Variants in EIF5B observed in about 807,000 individuals in gnomAD.
The protein encoded by EIF5B is eIF-5B.
Under a neutral mutation model 147.5 loss-of-function variants are expected in EIF5B, and 47 were observed. The ratio of observed to expected loss-of-function variants is 0.32; its 90% CI spans 0.25 to 0.41. The LOEUF (loss-of-function observed/expected upper bound fraction) is 0.41, where lower values mean the gene tolerates loss of function less well. Ranked by LOEUF, EIF5B falls within the 10% of genes least tolerant of loss-of-function variation. The pLI is 1.00. For missense variants in EIF5B, 1,064 were observed against 1,413.2 expected, an observed-to-expected ratio of 0.75 and a Z score of 3.96; for synonymous variants, 455 against 456.2, an observed-to-expected ratio of 1.00 and a Z score of 0.03.
rs752821971 is a variant in EIF5B, at chr2:99,390,417, T to C, written c.2586+16T>C. The stretch of plus-strand genomic sequence containing the variant: ...GGTGATGGAGGTAATGATCAACTTT[T>C]CAGTTTATTGTTTTTTTTTTTTTTA... On this transcript the variant is annotated intron_variant, in intron 16 of 23. Coordinates refer to ENST00000289371, the MANE Select transcript of EIF5B (RefSeq NM_015904.4). 17 of 1,569,572 alleles carry C rather than the reference T, an allele frequency of 1.1e-5. No individual in the cohort carries two copies. Among genetic ancestry groups the C allele is most frequent in the Non-Finnish European group, 1.5e-5 (17 of 1,167,948 alleles).
intron 7 of EIF5B, 36 bp downstream of exon 7, chr2:99,368,627 T>C (rs1328413617): frequency 4.0e-6 from 6 of 1,503,720 alleles, no homozygotes; most frequent in South Asian, 2.3e-5. Context: ...TTAGGAAATA[T>C]GTTGTTTGCC....
intron 1 of EIF5B, among the ~76,000 whole-genome samples, chr2:99,342,268 A>G (rs939820725): frequency 1.3e-5 from 2 of 152,034 alleles, no homozygotes; most frequent in Admixed American, 6.6e-5. Context: ...GCCAAGGTAA[A>G]TATCAGTTGA....
intron 13 of EIF5B, 134 bp from the exon 14 acceptor site, chr2:99,382,646 A>T: frequency 1.2e-6 from 1 of 862,628 alleles, no homozygotes; most frequent in Non-Finnish European, 1.6e-6. Context: ...TTGGCAAGTT[A>T]AGGGCTAATA....
chr2:99,349,136 C>T (rs972612839), intron 1 of EIF5B, among the ~76,000 whole-genome samples: 1 of 152,220 alleles, frequency 6.6e-6, no homozygotes, highest in African/African-American at 2.4e-5. Context: ...TTGCATCCTT[C>T]TATTTAGCAA....
intron 8 of EIF5B, among the ~76,000 whole-genome samples, chr2:99,370,564 A>G (rs532626167): frequency 6.6e-6 from 1 of 152,338 alleles, no homozygotes; most frequent in Non-Finnish European, 1.5e-5. Flanking sequence ...ATAGCAGTCC[A>G]CTATTTTAGA....
At chr2:99,399,100 C>T (rs28382986) in intron 23 of EIF5B, 191 bp downstream of exon 23, 10,215 of 808,474 alleles carry the variant, frequency 0.013, 93 homozygotes, top group Middle Eastern at 0.016. Context: ...GCAGCACCAA[C>T]AGAGAAAGCT....
At chr2:99,383,307 A>AG (rs1401860619) in intron 14 of EIF5B, among the ~76,000 whole-genome samples, 1 of 152,204 alleles carries the variant, frequency 6.6e-6, no homozygotes, top group African/African-American at 2.4e-5. Flanking sequence ...CACCCCTATA[A>AG]GATGGCACAC....
chr2:99,366,145 G>A (rs1001051250), intron 6 of EIF5B, among the ~76,000 whole-genome samples: 1 of 152,072 alleles, frequency 6.6e-6, no homozygotes, highest in Admixed American at 6.6e-5. Context: ...CTCATTTCAG[G>A]CAAAGAGCTT....
At chr2:99,378,638 A>G (rs1674611121) in intron 10 of EIF5B, among the ~76,000 whole-genome samples, 1 of 152,200 alleles carries the variant, frequency 6.6e-6, no homozygotes, top group Non-Finnish European at 1.5e-5. Flanking sequence ...ACCTGTTTTT[A>G]TATAAATCCT....
At chr2:99,364,243 GT>G (rs1674280505) in intron 5 of EIF5B, 27 bp from the exon 6 acceptor site, 1 of 1,547,384 alleles carries the variant, frequency 6.5e-7, no homozygotes, top group South Asian at 1.3e-5. Context: ...ATGAATACAG[GT>G]TTTGTCTGAC....
Position 99,343,584 on chromosome 2 carries a change from G to C in EIF5B, c.35+5995G>C, listed in dbSNP as rs765992633. On this transcript the variant is annotated intron_variant, in intron 1 of 23. Transcript: ENST00000289371. ...TGTAATCCCAGCACTTTGGGAGGCC[G>C]AGGTGGGTGGATCACCTGAGGTCAG... Among the ~76,000 whole-genome samples, 4 of 152,006 alleles carry C rather than the reference G, an allele frequency of 2.6e-5. No individual in the cohort carries two copies. In the South Asian group the frequency reaches 6.2e-4, roughly 24 times the overall value.
chr2:99,354,799 T>C (rs1674059365), intron 1 of EIF5B, among the ~76,000 whole-genome samples: 1 of 8,786 alleles, frequency 1.1e-4, no homozygotes, highest in African/African-American at 2.1e-4. Context: ...GGTTGTACTT[T>C]TTTTTTTTTT....
chr2:99,399,124 C>A, intron 23 of EIF5B, 183 bp from the exon 24 acceptor site: 1 of 759,462 alleles, frequency 1.3e-6, no homozygotes, highest in Non-Finnish European at 2.1e-6. Flanking sequence ...ACTTTTAGGT[C>A]CCCTCGTGCC....
intron 17 of EIF5B, among the ~76,000 whole-genome samples, chr2:99,392,739 G>T (rs573247130): frequency 6.6e-6 from 1 of 151,920 alleles, no homozygotes; most frequent in Admixed American, 6.5e-5. Flanking sequence ...TTTGTTAGTT[G>T]GTGTGTTTTG....
At chr2:99,341,672 T>C (rs1322934118) in intron 1 of EIF5B, among the ~76,000 whole-genome samples, 1 of 152,240 alleles carries the variant, frequency 6.6e-6, no homozygotes, top group East Asian at 1.9e-4. Context: ...TCTGTGTATG[T>C]AGGTTATATC....
At chr2:99,382,634 C>A (rs2290255) in intron 13 of EIF5B, 146 bp from the exon 14 acceptor site, 294,400 of 719,654 alleles carry the variant, frequency 0.41, 62,012 homozygotes, top group Admixed American at 0.59. Flanking sequence ...GTAGATGAGC[C>A]TTTGGCAAGT....
intron 12 of EIF5B, 68 bp from the exon 13 acceptor site, chr2:99,382,091 G>A (rs1191716180): frequency 1.5e-6 from 2 of 1,365,900 alleles, no homozygotes; most frequent in African/African-American, 1.4e-5. Flanking sequence ...ATGGCAAAAG[G>A]ATTGTTCTGT....
intron 18 of EIF5B, among the ~76,000 whole-genome samples, chr2:99,393,889 G>A (rs1341726852): frequency 6.6e-6 from 1 of 152,214 alleles, no homozygotes. Flanking sequence ...GTATTTCCTA[G>A]TTAACACAGA....
intron 9 of EIF5B, among the ~76,000 whole-genome samples, chr2:99,374,882 A>G (rs868802524): frequency 6.8e-6 from 1 of 147,724 alleles, no homozygotes. Flanking sequence ...ATTGTTTCCT[A>G]TTTTCTTTTC....
Sources: allele counts gnomAD v4.1 joint callset (sites outside exome capture counted in the v4.1 genomes callset), GRCh38; gene constraint gnomAD v4.1.1; transcripts MANE v1.5; gene names NCBI Gene and HGNC (gene_info 2026-07-23, HGNC 2026-07-21).